The following OGG1 variants were observed in gnomAD, a reference collection of about 807,000 sequenced individuals.
The protein encoded by OGG1 is 8-oxoguanine DNA glycosylase, also known as N-glycosylase/DNA lyase.
Under a neutral mutation model 42.3 loss-of-function variants are expected in OGG1, and 35 were observed. The observed-to-expected ratio is 0.83, with a 90% CI of 0.63 to 1.10. The LOEUF is 1.10. OGG1 is among the 50% of genes least tolerant of loss of function. The pLI is 0.00. For missense variants in OGG1, 484 were observed against 446.7 expected, an observed-to-expected ratio of 1.08 and a Z score of -0.75; for synonymous variants, 189 against 179.0, an observed-to-expected ratio of 1.06 and a Z score of -0.44.
At chr3:9,765,680 G>T in intron 7 of OGG1, 1 of 1,512,682 alleles carries the variant, frequency 6.6e-7, no homozygotes, top group Non-Finnish European at 9.0e-7. Flanking sequence ...TAAATGATTT[G>T]TCCAAAGCAG....
chr3:9,766,690 A>T (rs1344496070), exon 8 of OGG1: 1 of 979,656 alleles, frequency 1.0e-6, no homozygotes, highest in East Asian at 9.1e-5. Flanking sequence ...TATTCTTTCC[A>T]CATCTGTTTG....
intron 3 of OGG1, among the ~76,000 whole-genome samples, chr3:9,786,694 G>A (rs1480903164): frequency 2.6e-5 from 4 of 152,218 alleles, no homozygotes; most frequent in African/African-American, 9.6e-5. Context: ...TACCTTTGGG[G>A]AAAGTTGGAG....
chr3:9,787,802 T>A (rs1575305344), exon 4 of OGG1: 2 of 984,016 alleles, frequency 2.0e-6, no homozygotes, highest in East Asian at 1.2e-4. Flanking sequence ...AAGGAGAGAC[T>A]GACTAACTTT....
In OGG1 at chr3:9,750,314, C is replaced by T. The variant is rs777752946; in HGVS notation, c.28C>T (p.Arg10Cys). 2.5e-5 allele frequency: 40 copies of T among 1,613,362 alleles called. No homozygotes were observed. Among genetic ancestry groups the T allele is most frequent in the Admixed American group, 8.3e-5 (5 of 60,008 alleles). The change falls in exon 1 of 7, where the codon CGC becomes TGC. Residue 10 changes from arginine (R) to cysteine (C), a missense_variant. Transcript: ENST00000344629. ...GCCTGCCCGCGCGCTTCTGCCCAGGCGCATGGGGCATCGTACTCTAGCCTC... is the reference window on the plus strand; with the variant it reads ...GCCTGCCCGCGCGCTTCTGCCCAGGTGCATGGGGCATCGTACTCTAGCCTC... MPARALLPR[R>C]MGHRTLASTP...
downstream of OGG1, among the ~76,000 whole-genome samples, chr3:9,769,177 C>T (rs2078237904): frequency 6.6e-6 from 1 of 151,910 alleles, no homozygotes; most frequent in Non-Finnish European, 1.5e-5. Context: ...ATCCAAACAT[C>T]CCTCACCCAG....
chr3:9,761,694 G>T (rs762376373), downstream of OGG1: 1 of 1,614,070 alleles, frequency 6.2e-7, no homozygotes, highest in Non-Finnish European at 8.5e-7. Flanking sequence ...ATCTTGGAGA[G>T]GCCAAAGTCG....
intron 7 of OGG1, chr3:9,765,774 ATCTCATTC>A: frequency 6.2e-7 from 1 of 1,614,020 alleles, no homozygotes; most frequent in Non-Finnish European, 8.5e-7. Flanking sequence ...CAGGACAGCA[ATCTCATTC>A]TCCATGCTGC....
chr3:9,752,220 G>A, intron 3 of OGG1: 1 of 514,224 alleles, frequency 1.9e-6, no homozygotes, highest in Non-Finnish European at 3.5e-6. Context: ...GGGGTTAAGA[G>A]CATGCATTCT....
downstream of OGG1, chr3:9,769,930 C>T (rs965873719): frequency 5.9e-5 from 9 of 152,234 alleles, no homozygotes; most frequent in African/African-American, 1.9e-4. Context: ...GCCACCCGCC[C>T]GCGCTCTTGC....
intron 3 of OGG1, among the ~76,000 whole-genome samples, chr3:9,753,525 G>A (rs1366678828): frequency 2.6e-5 from 4 of 151,652 alleles, no homozygotes; most frequent in Non-Finnish European, 5.9e-5. Context: ...GTGGTGGTGG[G>A]CGCCTGTAGT....
chr3:9,772,682 CCCTTGG>C (rs2125605819), intron 2 of OGG1, among the ~76,000 whole-genome samples: 1 of 152,164 alleles, frequency 6.6e-6, no homozygotes, highest in South Asian at 2.1e-4. Context: ...ACATGTTCAC[CCCTTGG>C]CCTCCAAAAC....
At chr3:9,784,345 G>C in intron 3 of OGG1, 8 of 1,181,262 alleles carry the variant, frequency 6.8e-6, no homozygotes, top group Non-Finnish European at 9.2e-6. Flanking sequence ...TATCTATCCA[G>C]ATACAAAGGG....
rs2077313600 is a variant in OGG1 at position 9,751,819 on chromosome 3, C to G, written c.435C>G (p.Ile145Met). The change falls in exon 3 of 7, where the codon ATC becomes ATG. Residue 145 changes from isoleucine to methionine, a missense_variant. By Grantham distance (10) the Ile-to-Met change is conservative. Coordinates refer to ENST00000344629, the MANE Select transcript of OGG1 (RefSeq NM_002542.6). Reference protein sequence around the residue: ...QDPIECLFSFICSSNNNIARI... With the variant: ...QDPIECLFSFMCSSNNNIARI... ...CCATCGAATGCCTTTTCTCTTTTATCTGTTCCTCCAACAACAACATCGCCC... is the reference window on the plus strand; with the variant it reads ...CCATCGAATGCCTTTTCTCTTTTATGTGTTCCTCCAACAACAACATCGCCC... The G allele has an allele frequency of 6.2e-7, 1 of 1,614,208 alleles. No individual in the cohort carries two copies. The highest frequency in any genetic ancestry group is 1.1e-5 in the South Asian group (1 of 91,082).
At chr3:9,760,583 G>C, downstream of OGG1, 1 of 1,512,266 alleles carries the variant, frequency 6.6e-7, no homozygotes. Context: ...AGGCAGGAGG[G>C]AGACCGCCCC....
At chr3:9,781,891 G>A (rs1313746552) in intron 3 of OGG1, among the ~76,000 whole-genome samples, 1 of 138,626 alleles carries the variant, frequency 7.2e-6, no homozygotes, top group East Asian at 2.2e-4. Context: ...CCAGGCTGGA[G>A]TACAGTGGCC....
downstream of OGG1, chr3:9,759,325 T>C: frequency 7.0e-6 from 11 of 1,576,890 alleles, no homozygotes; most frequent in Non-Finnish European, 9.6e-6. Flanking sequence ...GTGTTGGGAG[T>C]GTTTGTTGAA....
At chr3:9,761,105 C>T, downstream of OGG1, 1 of 351,766 alleles carries the variant, frequency 2.8e-6, no homozygotes, top group South Asian at 3.6e-5. Context: ...TGGCATCACC[C>T]CGTCTCCCTA....
chr3:9,787,562 A>T (rs908826290), intron 3 of OGG1: 12 of 979,686 alleles, frequency 1.2e-5, no homozygotes, highest in Non-Finnish European at 1.8e-5. Flanking sequence ...CACAGAAGCC[A>T]ATCTGAAATA....
chr3:9,785,703 C>T (rs546869890), intron 3 of OGG1, among the ~76,000 whole-genome samples: 6 of 152,322 alleles, frequency 3.9e-5, no homozygotes, highest in South Asian at 2.1e-4. Context: ...GCGTCTGCAA[C>T]GCACCAGGCA....
Sources: gnomAD v4.1 joint callset for allele counts (sites outside exome capture counted in the v4.1 genomes callset) on GRCh38, gnomAD v4.1.1 for gene constraint, MANE v1.5 for transcripts, NCBI Gene and HGNC (gene_info 2026-07-23, HGNC 2026-07-21) for gene names.